FHIT: variants seen among roughly 807,000 people sequenced by gnomAD.
FHIT encodes fragile histidine triad diadenosine triphosphatase, also known as bis(5'-adenosyl)-triphosphatase.
In FHIT, 19 loss-of-function variants were observed where a neutral mutation model predicts 17.9. That is an observed-to-expected ratio of 1.06 (90% CI 0.74 to 1.56). FHIT has a LOEUF of 1.56. FHIT is among the 40% of genes most tolerant of loss of function. FHIT has a pLI of 0.00. For missense variants in FHIT, 248 were observed against 189.2 expected, an observed-to-expected ratio of 1.31 and a Z score of -1.82; for synonymous variants, 81 against 69.7, an observed-to-expected ratio of 1.16 and a Z score of -0.81.
chr3:60,138,460 T>A (rs6777402), intron 5 of FHIT, among the ~76,000 whole-genome samples: 5,193 of 152,222 alleles, frequency 0.034, 292 homozygotes, highest in African/African-American at 0.12. Context: ...TAGACAGAAA[T>A]TTTCTCATTG....
intron 4 of FHIT, among the ~76,000 whole-genome samples, chr3:60,801,488 C>T (rs1326972653): frequency 2.6e-5 from 4 of 152,226 alleles, no homozygotes; most frequent in African/African-American, 9.6e-5. Context: ...TACTGCTATG[C>T]ATGACAGAAG....
rs188678530 is a variant in FHIT at position 60,609,577 on chromosome 3, G to A, written c.-17-72598C>T. 7.8e-4 allele frequency among the ~76,000 whole-genome samples: 119 copies of A among 152,046 alleles called. 1 individual carries two copies. Among genetic ancestry groups the A allele is most frequent in the South Asian group, 5.6e-3 (27 of 4,808 alleles). On this transcript the variant is annotated intron_variant, in intron 4 of 9. Coordinates refer to ENST00000492590, the MANE Select transcript of FHIT (RefSeq NM_002012.4). ...CCTGACCTTGTGACTCACCCACCTC[G>A]GCCTCCCACAGTGCTGGAATTACAG...
chr3:60,214,090 C>T (rs1489049518), intron 5 of FHIT, among the ~76,000 whole-genome samples: 2 of 152,124 alleles, frequency 1.3e-5, no homozygotes, highest in East Asian at 1.9e-4. Flanking sequence ...TAAGTAGATA[C>T]GATTCCAGGC....
intron 5 of FHIT, among the ~76,000 whole-genome samples, chr3:60,396,931 T>C (rs922387669): frequency 1.3e-5 from 2 of 152,188 alleles, no homozygotes; most frequent in Non-Finnish European, 2.9e-5. Flanking sequence ...ATCCTCCTCA[T>C]ATCTAAGTTT....
At chr3:60,444,830 A>T (rs1159567018) in intron 5 of FHIT, among the ~76,000 whole-genome samples, 1 of 151,854 alleles carries the variant, frequency 6.6e-6, no homozygotes, top group Non-Finnish European at 1.5e-5. Context: ...TGTACCCTAG[A>T]ACTTAAAGTA....
intron 3 of FHIT, among the ~76,000 whole-genome samples, chr3:60,912,320 A>G (rs1374477024): frequency 6.6e-6 from 1 of 152,172 alleles, no homozygotes; most frequent in Non-Finnish European, 1.5e-5. Context: ...GAATCCGATC[A>G]TACCGGGAAA....
chr3:60,164,425 G>A (rs750754497), intron 5 of FHIT, among the ~76,000 whole-genome samples: 5 of 152,106 alleles, frequency 3.3e-5, no homozygotes, highest in African/African-American at 7.2e-5. Flanking sequence ...CACACACCAC[G>A]ACCTGACATC....
chr3:61,065,076 A>G (rs1478688821), intron 2 of FHIT, among the ~76,000 whole-genome samples: 1 of 152,092 alleles, frequency 6.6e-6, no homozygotes, highest in East Asian at 1.9e-4. Context: ...TATTATATAG[A>G]CTGATTGGGT....
intron 5 of FHIT, among the ~76,000 whole-genome samples, chr3:60,281,038 T>TTCTTTTATCCTGAAAAAAACAGGATAAAA (rs1362811943): frequency 2.7e-4 from 41 of 152,284 alleles, no homozygotes; most frequent in Admixed American, 1.2e-3. Context: ...GATAAAATAT[T>TTCTTTTATCCTGAAAAAAACAGGATAAAA]TCTTTCCAAT....
intron 5 of FHIT, among the ~76,000 whole-genome samples, chr3:60,432,680 G>C (rs891109521): frequency 1.3e-5 from 2 of 151,988 alleles, no homozygotes; most frequent in Admixed American, 6.6e-5. Context: ...AACTGTTTAT[G>C]AAAAATAGCT....
At chr3:60,798,752 C>CTTTTTTTTTTTT (rs35159710) in intron 4 of FHIT, among the ~76,000 whole-genome samples, 7 of 105,476 alleles carry the variant, frequency 6.6e-5, no homozygotes, top group African/African-American at 1.1e-4. Context: ...ACTGCAATAG[C>CTTTTTTTTTTTT]TTTTTTTTTT....
chr3:60,537,387 C>T, intron 4 of FHIT: 2 of 746,124 alleles, frequency 2.7e-6, no homozygotes, highest in South Asian at 1.2e-4. Context: ...CCTTCTAATT[C>T]TTAAATGCTT....
chr3:60,478,886 C>T (rs925599478), intron 5 of FHIT, among the ~76,000 whole-genome samples: 2 of 152,168 alleles, frequency 1.3e-5, no homozygotes, highest in African/African-American at 4.8e-5. Flanking sequence ...ATCCAAGCCA[C>T]ATAGCACAGA....
At chr3:60,516,885 G>A (rs1052302993) in intron 5 of FHIT, among the ~76,000 whole-genome samples, 1 of 152,186 alleles carries the variant, frequency 6.6e-6, no homozygotes, top group Non-Finnish European at 1.5e-5. Context: ...TATAATAGGA[G>A]CTTCAGTAAA....
intron 4 of FHIT, among the ~76,000 whole-genome samples, chr3:60,750,795 A>T (rs2042450689): frequency 6.6e-6 from 1 of 152,210 alleles, no homozygotes; most frequent in Admixed American, 6.5e-5. Context: ...CATGTGAACC[A>T]GGCATGGTTC....
intron 3 of FHIT, among the ~76,000 whole-genome samples, chr3:61,030,593 C>T (rs1372907737): frequency 6.6e-6 from 1 of 152,110 alleles, no homozygotes; most frequent in African/African-American, 2.4e-5. Context: ...TCTTTGTACT[C>T]ACAAAGTTTA....
chr3:60,233,397 G>A (rs1287364559), intron 5 of FHIT, among the ~76,000 whole-genome samples: 1 of 151,844 alleles, frequency 6.6e-6, no homozygotes, highest in African/African-American at 2.4e-5. Flanking sequence ...TTCAGCCTTA[G>A]AGGGCTCCTC....
chr3:59,777,309 G>A (rs894817836), intron 8 of FHIT, among the ~76,000 whole-genome samples: 7 of 151,882 alleles, frequency 4.6e-5, no homozygotes, highest in South Asian at 4.2e-4. Context: ...CCAACCATGC[G>A]TGTTTAATGG....
At chr3:59,800,105 A>G (rs1216019738) in intron 8 of FHIT, among the ~76,000 whole-genome samples, 1 of 152,212 alleles carries the variant, frequency 6.6e-6, no homozygotes, top group Non-Finnish European at 1.5e-5. Flanking sequence ...TACTTCGACA[A>G]TTGCCAAGAA....
Sources: gnomAD v4.1 joint callset for allele counts (sites outside exome capture counted in the v4.1 genomes callset) on GRCh38, gnomAD v4.1.1 for gene constraint, MANE v1.5 for transcripts, NCBI Gene and HGNC (gene_info 2026-07-23, HGNC 2026-07-21) for gene names.